Variants in DTNBP1 observed in about 807,000 individuals in gnomAD.
DTNBP1 encodes the protein dysbindin.
A neutral mutation model predicts 42.8 loss-of-function variants in DTNBP1; 35 were observed. The observed-to-expected ratio is 0.82, with a 90% CI of 0.63 to 1.09. The LOEUF is 1.09. DTNBP1 is among the 50% of genes least tolerant of loss of function. DTNBP1 has a pLI of 0.00. For synonymous variants in DTNBP1, 171 were observed against 162.2 expected, an observed-to-expected ratio of 1.05 and a Z score of -0.41; for missense variants, 457 against 424.2, an observed-to-expected ratio of 1.08 and a Z score of -0.68.
chr6:15,566,114 A>G (rs1040868122), intron 7 of DTNBP1, among the ~76,000 whole-genome samples: 2 of 152,042 alleles, frequency 1.3e-5, no homozygotes, highest in Non-Finnish European at 2.9e-5. Context: ...AGAGATCGAG[A>G]CCATCCCGGC....
intron 8 of DTNBP1, among the ~76,000 whole-genome samples, chr6:15,527,099 A>G (rs1331716788): frequency 6.6e-6 from 1 of 152,264 alleles, no homozygotes; most frequent in Admixed American, 6.5e-5. Context: ...AGCTGTATTA[A>G]TATCAAAATA....
chr6:15,574,298 C>A lies in DTNBP1; in HGVS notation c.511+18761G>T, dbSNP rs143325286. Among the ~76,000 whole-genome samples the A allele has an allele frequency of 4.6e-3, 706 of 152,316 alleles. 6 individuals carry two copies. The highest frequency in any genetic ancestry group is 0.016 in the African/African-American group (679 of 41,566). On this transcript the variant is annotated intron_variant, in intron 7 of 9. Coordinates refer to ENST00000344537, the MANE Select transcript of DTNBP1 (RefSeq NM_032122.5). ...GAGGCATCCTTATTCATCTCACATC[C>A]TTAGCATGGGGCAGAGTAGACAGCA...
rs775531396 is a variant in DTNBP1 at position 15,662,993 on chromosome 6, C to A, written c.-124G>T. On this transcript the variant is annotated 5_prime_UTR_variant, in exon 1 of 10. Transcript: ENST00000344537. ...CCCCGCACTCCCACTACCGGCCCCG[C>A]CCCCGGTCTGGTCCTCGCCGCCGCG... is the stretch of plus-strand genomic sequence containing the variant. The A allele has an allele frequency of 2.2e-6, 3 of 1,386,374 alleles. No individual in the cohort carries two copies. The highest frequency in any genetic ancestry group is 3.8e-5 in the Admixed American group (2 of 53,324). 85.9% of individuals were successfully genotyped at this position (1,386,374 alleles called of 1,614,324 possible).
chr6:15,609,865 A>G lies in DTNBP1; in HGVS notation c.488+5402T>C, dbSNP rs187540632. ...CAGACCTAGCTGTTTCACCACATACATACAACCTAAATATCCATATCTGCA... is the reference window on the plus strand; with the variant it reads ...CAGACCTAGCTGTTTCACCACATACGTACAACCTAAATATCCATATCTGCA... On this transcript the variant is annotated intron_variant, in intron 6 of 9. Coordinates refer to ENST00000344537, the MANE Select transcript of DTNBP1 (RefSeq NM_032122.5). 1.3e-4 allele frequency among the ~76,000 whole-genome samples: 20 copies of G among 152,340 alleles called. No individual in the cohort carries two copies. In the East Asian group the frequency reaches 3.9e-3, roughly 29 times the overall value.
chr6:15,524,756 T>C (rs1007967576), intron 8 of DTNBP1, 87 bp from the exon 9 acceptor site: 73 of 1,559,398 alleles, frequency 4.7e-5, no homozygotes, highest in Non-Finnish European at 6.0e-5. Flanking sequence ...GCTAACTACA[T>C]TGCATTTCCT....
At chr6:15,580,908 T>C (rs1211575079) in intron 7 of DTNBP1, among the ~76,000 whole-genome samples, 10 of 152,264 alleles carry the variant, frequency 6.6e-5, no homozygotes, top group Non-Finnish European at 1.0e-4. Context: ...ATATGGGGTA[T>C]TGGAAAACTA....
intron 6 of DTNBP1, chr6:15,595,345 A>G: frequency 2.7e-6 from 1 of 372,714 alleles, no homozygotes; most frequent in South Asian, 2.0e-5. Flanking sequence ...GCTCACTGCA[A>G]CCTCTGCCTC....
intron 7 of DTNBP1, among the ~76,000 whole-genome samples, chr6:15,573,638 G>C (rs1437951568): frequency 6.6e-6 from 1 of 151,848 alleles, no homozygotes; most frequent in Non-Finnish European, 1.5e-5. Flanking sequence ...AGCAAAGTCT[G>C]TCTCAGAAGA....
chr6:15,656,617 G>A (rs968036624), intron 1 of DTNBP1, among the ~76,000 whole-genome samples: 4 of 152,130 alleles, frequency 2.6e-5, no homozygotes, highest in African/African-American at 4.8e-5. Flanking sequence ...GCGTGGTGGT[G>A]TATGCCTGTA....
intron 8 of DTNBP1, among the ~76,000 whole-genome samples, chr6:15,531,371 C>G (rs1312317461): frequency 6.6e-6 from 1 of 152,162 alleles, no homozygotes; most frequent in Non-Finnish European, 1.5e-5. Context: ...TTGCAGCAAA[C>G]ACGGAAGCAC....
chr6:15,580,608 T>A (rs528794229), intron 7 of DTNBP1, among the ~76,000 whole-genome samples: 1 of 152,208 alleles, frequency 6.6e-6, no homozygotes, highest in Admixed American at 6.5e-5. Flanking sequence ...TATTCCAATT[T>A]TGGATGATAT....
Position 15,533,405 on chromosome 6 carries a change from CAG to C in DTNBP1, c.512-12_512-11del, listed in dbSNP as rs1773009205. On this transcript the variant is annotated splice_polypyrimidine_tract_variant and intron_variant, in intron 7 of 9. Coordinates refer to ENST00000344537, the MANE Select transcript of DTNBP1 (RefSeq NM_032122.5). ...TCTGCATCTAGTTCAGCTGAGGAAA[CAG>C]AATAACTGGGGTTAGGGTTTGAAAA... 2 of 1,614,070 alleles carry C rather than the reference CAG, an allele frequency of 1.2e-6. No homozygotes were observed. Among genetic ancestry groups the C allele is most frequent in the Non-Finnish European group, 1.7e-6 (2 of 1,180,040 alleles).
chr6:15,574,116 A>G (rs1775462123), intron 7 of DTNBP1, among the ~76,000 whole-genome samples: 2 of 152,248 alleles, frequency 1.3e-5, no homozygotes, highest in Admixed American at 1.3e-4. Context: ...TACACACACC[A>G]GAACCCCATG....
At chr6:15,543,216 C>T (rs1199615352) in intron 7 of DTNBP1, among the ~76,000 whole-genome samples, 1 of 152,096 alleles carries the variant, frequency 6.6e-6, no homozygotes, top group Non-Finnish European at 1.5e-5. Context: ...AATTGCAATA[C>T]TCAATTTTTA....
chr6:15,567,665 G>T (rs1317248548), intron 7 of DTNBP1, among the ~76,000 whole-genome samples: 2 of 152,136 alleles, frequency 1.3e-5, no homozygotes, highest in Non-Finnish European at 2.9e-5. Flanking sequence ...CACATGTATT[G>T]ATTGATGCTT....
At chr6:15,663,054 G>C (rs1761751894), upstream of DTNBP1, 1 of 738,438 alleles carries the variant, frequency 1.4e-6, no homozygotes, top group African/African-American at 1.9e-5. Flanking sequence ...CCCGCCCCGC[G>C]CGCGCCAGGC....
chr6:15,524,857 C>T (rs1348816974), intron 8 of DTNBP1, among the ~76,000 whole-genome samples, 188 bp from the exon 9 acceptor site: 1 of 139,816 alleles, frequency 7.2e-6, no homozygotes, highest in East Asian at 2.1e-4. Context: ...TCACCCTTGG[C>T]AACTATTATT....
chr6:15,598,362 A>T (rs1776593856), intron 6 of DTNBP1, among the ~76,000 whole-genome samples: 1 of 152,232 alleles, frequency 6.6e-6, no homozygotes, highest in African/African-American at 2.4e-5. Flanking sequence ...CCTCCCTAGG[A>T]CAAATCCATG....
chr6:15,583,667 G>A (rs189235984), intron 7 of DTNBP1, among the ~76,000 whole-genome samples: 2 of 152,284 alleles, frequency 1.3e-5, no homozygotes, highest in Admixed American at 1.3e-4. Context: ...TTGCTGTCAA[G>A]TTATACCATG....
Sources: allele counts gnomAD v4.1 joint callset (sites outside exome capture counted in the v4.1 genomes callset), GRCh38; gene constraint gnomAD v4.1.1; transcripts MANE v1.5; gene names NCBI Gene and HGNC (gene_info 2026-07-23, HGNC 2026-07-21).